The following CRB1 variants were observed in gnomAD, a reference collection of about 807,000 sequenced individuals.
CRB1 encodes crumbs cell polarity complex component 1.
Under a neutral mutation model 120.0 loss-of-function variants are expected in CRB1, and 83 were observed. That is an observed-to-expected ratio of 0.69 (90% confidence interval 0.58 to 0.83). CRB1 has a LOEUF of 0.83. CRB1 is among the 40% of genes least tolerant of loss of function. CRB1 has a pLI of 0.00. For missense variants in CRB1, 1,699 were observed against 1,687.6 expected (o/e 1.01, Z -0.12); for synonymous variants, 625 against 612.5 (o/e 1.02, Z -0.30).
the CRB1 span, among the ~76,000 whole-genome samples, chr1:197,254,596 CT>C: frequency 2.0e-5 from 3 of 151,996 alleles, no homozygotes; most frequent in Admixed American, 2.0e-4. Context: ...CTTCAGCTGT[CT>C]TAATTTCTGA....
intron 11 of CRB1, among the ~76,000 whole-genome samples, chr1:197,476,096 G>T (rs1187425681): frequency 6.6e-6 from 1 of 151,960 alleles, no homozygotes; most frequent in Non-Finnish European, 1.5e-5. Context: ...ATTTAGTAGA[G>T]ATAGGGTTTC....
intron 4 of CRB1, among the ~76,000 whole-genome samples, chr1:197,350,239 TCCTGTTTATTA>T (rs1439240413): frequency 1.1e-5 from 1 of 94,912 alleles, no homozygotes; most frequent in Non-Finnish European, 2.8e-5. Flanking sequence ...AGGATATGTT[TCCTGTTTATTA>T]ACTGAGTGAA....
At chr1:197,223,457 A>G in the CRB1 span, among the ~76,000 whole-genome samples, 961 of 152,012 alleles carry the variant, frequency 6.3e-3, 14 homozygotes, top group African/African-American at 0.022. Context: ...TGTAGATTCC[A>G]TAATATACTG....
intron 11 of CRB1, among the ~76,000 whole-genome samples, chr1:197,458,446 G>A (rs1666379980): frequency 6.6e-6 from 1 of 152,036 alleles, no homozygotes; most frequent in Non-Finnish European, 1.5e-5. Context: ...TGAGCCTGAA[G>A]GGTTTATGCT....
At chr1:197,477,579 C>G (rs778012299) in intron 11 of CRB1, 85 bp from the exon 12 acceptor site, 7 of 1,322,932 alleles carry the variant, frequency 5.3e-6, no homozygotes, top group East Asian at 4.6e-5. Flanking sequence ...TCTGGTTGGT[C>G]TTCATTCCTG....
At chr1:197,349,974 C>G (rs1332232284) in intron 4 of CRB1, among the ~76,000 whole-genome samples, 1 of 151,794 alleles carries the variant, frequency 6.6e-6, no homozygotes, top group East Asian at 1.9e-4. Context: ...GTGGCGGGCG[C>G]CTGTAGTCCC....
upstream of CRB1, among the ~76,000 whole-genome samples, chr1:197,266,721 C>T (rs78337730): frequency 5.9e-3 from 894 of 152,172 alleles, 7 homozygotes; most frequent in African/African-American, 0.018. Flanking sequence ...TTATTTTCTT[C>T]GACACTTTTG....
intron 11 of CRB1, among the ~76,000 whole-genome samples, chr1:197,466,882 G>A (rs758287698): frequency 2.0e-5 from 3 of 152,216 alleles, no homozygotes; most frequent in East Asian, 1.9e-4. Context: ...GACACCAGTC[G>A]ATCATAAGAA....
At chr1:197,462,262 T>G (rs1197225130) in intron 11 of CRB1, among the ~76,000 whole-genome samples, 1 of 152,176 alleles carries the variant, frequency 6.6e-6, no homozygotes, top group Admixed American at 6.6e-5. Flanking sequence ...CAATTGGCAT[T>G]TATTGAATTC....
At chr1:197,474,397 G>A (rs1401254615) in intron 11 of CRB1, among the ~76,000 whole-genome samples, 1 of 152,156 alleles carries the variant, frequency 6.6e-6, no homozygotes, top group African/African-American at 2.4e-5. Flanking sequence ...TGGCAGAGGT[G>A]GGGCTGGATC....
At chr1:197,389,532 G>A (rs1437638972) in intron 5 of CRB1, among the ~76,000 whole-genome samples, 3 of 152,098 alleles carry the variant, frequency 2.0e-5, no homozygotes, top group African/African-American at 7.2e-5. Flanking sequence ...GCCAGGGGCT[G>A]AGGGGAAGGG....
chr1:197,290,516 A>G (rs934192083), intron 1 of CRB1, among the ~76,000 whole-genome samples: 1 of 151,352 alleles, frequency 6.6e-6, no homozygotes, highest in Non-Finnish European at 1.5e-5. Flanking sequence ...GCTCCTTTCC[A>G]TGACCATTAA....
At chr1:197,432,774 C>T (rs976380668) in intron 8 of CRB1, among the ~76,000 whole-genome samples, 24 of 152,040 alleles carry the variant, frequency 1.6e-4, no homozygotes, top group African/African-American at 3.6e-4. Context: ...TGCAGGGAGG[C>T]GGTTTTTTTA....
intron 10 of CRB1, chr1:197,440,903 C>A (rs1157340248): frequency 6.6e-6 from 1 of 152,258 alleles, no homozygotes; most frequent in Admixed American, 6.5e-5. Flanking sequence ...CAGATCTAAT[C>A]AGAGAAGTCT....
At chr1:197,354,653 G>GTCTTTA (rs1660335530) in intron 4 of CRB1, among the ~76,000 whole-genome samples, 1 of 152,036 alleles carries the variant, frequency 6.6e-6, no homozygotes, top group South Asian at 2.1e-4. Flanking sequence ...GACCTTCATG[G>GTCTTTA]TGAGTGCTAC....
rs2125328350 is a variant in CRB1 at position 197,344,346 on chromosome 1, C to T, written c.718C>T (p.Gln240Ter). The T allele has an allele frequency of 6.2e-7, 1 of 1,614,102 alleles. No individual in the cohort carries two copies. The highest frequency in any genetic ancestry group is 1.1e-5 in the South Asian group (1 of 91,078). Reference sequence around the variant, plus strand: ...GCCTTGTTTAAATGGTGCAACTTGTCAGGATGCTCTGGGGGCCTATTTCTG... The same window carrying T: ...GCCTTGTTTAAATGGTGCAACTTGTTAGGATGCTCTGGGGGCCTATTTCTG... ...SQPCLNGATC[Q>*]DALGAYFCDC... Residue 240 changes from glutamine to a stop codon, truncating the protein, a stop_gained, in exon 3 of 12, where the codon CAG becomes TAG. Coordinates refer to ENST00000367400, the MANE Select transcript of CRB1 (RefSeq NM_201253.3). LOFTEE classifies it high-confidence loss of function.
chr1:197,457,815 C>A (rs1666353237), intron 11 of CRB1, among the ~76,000 whole-genome samples: 1 of 151,994 alleles, frequency 6.6e-6, no homozygotes, highest in South Asian at 2.1e-4. Context: ...TTATTTGCTA[C>A]CAAAGTGTTA....
rs139594318 is a variant in CRB1 at position 197,302,351 on chromosome 1, A to G, written c.71-26071A>G. On this transcript the variant is annotated intron_variant, in intron 1 of 11. Coordinates refer to ENST00000367400, the MANE Select transcript of CRB1 (RefSeq NM_201253.3). ...AATGCAATGGTACACTTAATAGACT[A>G]CAGTATAGTGTAAGTATAACTTTTA... Among the ~76,000 whole-genome samples, 194 of 152,348 alleles carry G rather than the reference A, an allele frequency of 1.3e-3. 1 individual carries two copies. The highest frequency in any genetic ancestry group is 0.011 in the East Asian group (59 of 5,188).
At chr1:197,455,148 G>A (rs945565529) in intron 11 of CRB1, among the ~76,000 whole-genome samples, 1 of 151,976 alleles carries the variant, frequency 6.6e-6, no homozygotes, top group Non-Finnish European at 1.5e-5. Flanking sequence ...ACTGTTCTGG[G>A]CAAACTAGGA....
Sources: allele counts gnomAD v4.1 joint callset (sites outside exome capture counted in the v4.1 genomes callset), GRCh38; gene constraint gnomAD v4.1.1; transcripts MANE v1.5; gene names NCBI Gene and HGNC (gene_info 2026-07-23, HGNC 2026-07-21).